The following AUTS2 variants were observed in gnomAD, a reference collection of about 807,000 sequenced individuals.
The protein encoded by AUTS2 is activator of transcription and developmental regulator AUTS2, also known as autism susceptibility gene 2 protein.
In AUTS2, 17 loss-of-function variants were observed where a neutral mutation model predicts 112.4. The ratio of observed to expected loss-of-function variants is 0.15; its 90% CI spans 0.10 to 0.23. AUTS2 has a LOEUF of 0.23. Ranked by LOEUF, AUTS2 falls within the 10% of genes least tolerant of loss-of-function variation. The pLI is 1.00. For synonymous variants in AUTS2, 751 were observed against 702.7 expected, an observed-to-expected ratio of 1.07 and a Z score of -1.09; for missense variants, 1,510 against 1,701.6, an observed-to-expected ratio of 0.89 and a Z score of 1.98.
chr7:69,735,291 T>A (rs1223750627), intron 1 of AUTS2, among the ~76,000 whole-genome samples: 1 of 152,182 alleles, frequency 6.6e-6, no homozygotes, highest in Non-Finnish European at 1.5e-5. Flanking sequence ...GTATCAGACC[T>A]GGTTATGAAA....
intron 5 of AUTS2, among the ~76,000 whole-genome samples, chr7:70,643,773 C>T (rs1805991303): frequency 6.6e-6 from 1 of 152,216 alleles, no homozygotes; most frequent in African/African-American, 2.4e-5. Flanking sequence ...CTTTCCCCAA[C>T]CCTGTCCAAA....
intron 5 of AUTS2, among the ~76,000 whole-genome samples, chr7:70,469,744 G>A (rs1052647608): frequency 1.8e-4 from 27 of 152,132 alleles, no homozygotes; most frequent in African/African-American, 6.0e-4. Flanking sequence ...GGGTTCAAGC[G>A]ATTCTCCTGC....
intron 2 of AUTS2, among the ~76,000 whole-genome samples, chr7:69,943,575 A>T (rs1796703929): frequency 6.6e-6 from 1 of 152,152 alleles, no homozygotes; most frequent in Non-Finnish European, 1.5e-5. Context: ...TTTCTATGTC[A>T]TCATTATCTC....
intron 5 of AUTS2, among the ~76,000 whole-genome samples, chr7:70,529,506 T>C (rs1799992059): frequency 6.6e-6 from 1 of 152,234 alleles, no homozygotes; most frequent in Non-Finnish European, 1.5e-5. Context: ...CTGCTCTTTC[T>C]ATGGCAAAGT....
intron 2 of AUTS2, among the ~76,000 whole-genome samples, chr7:70,093,022 T>G (rs1421554565): frequency 6.6e-6 from 1 of 152,022 alleles, no homozygotes; most frequent in Non-Finnish European, 1.5e-5. Flanking sequence ...TTTTACAGAG[T>G]CTTTGCTGCT....
At chr7:70,728,287 G>A (rs1787150221) in intron 6 of AUTS2, among the ~76,000 whole-genome samples, 1 of 152,174 alleles carries the variant, frequency 6.6e-6, no homozygotes, top group African/African-American at 2.4e-5. Context: ...GCCAAAGTTA[G>A]AAGAGAATCC....
chr7:70,676,549 A>G (rs1276357205), intron 5 of AUTS2, among the ~76,000 whole-genome samples: 1 of 152,022 alleles, frequency 6.6e-6, no homozygotes, highest in Non-Finnish European at 1.5e-5. Flanking sequence ...CTCTGTTGCT[A>G]ATGGTTTAAA....
At chr7:70,434,617 A>G (rs1399146601) in intron 4 of AUTS2, among the ~76,000 whole-genome samples, 1 of 152,142 alleles carries the variant, frequency 6.6e-6, no homozygotes, top group African/African-American at 2.4e-5. Context: ...AATGGCTGCC[A>G]AACCACTCTC....
chr7:70,670,547 G>T (rs1022848607), intron 5 of AUTS2, among the ~76,000 whole-genome samples: 2 of 152,174 alleles, frequency 1.3e-5, no homozygotes, highest in African/African-American at 4.8e-5. Flanking sequence ...GGTGGGCAAG[G>T]TTTCATAAAC....
At chr7:70,705,864 C>T (rs1472413332) in intron 6 of AUTS2, among the ~76,000 whole-genome samples, 2 of 152,178 alleles carry the variant, frequency 1.3e-5, no homozygotes, top group African/African-American at 4.8e-5. Context: ...GTCAATCCCT[C>T]GTGGGGTGCT....
chr7:70,731,852 G>A (rs922087475), intron 6 of AUTS2, among the ~76,000 whole-genome samples: 1 of 151,890 alleles, frequency 6.6e-6, no homozygotes, highest in Non-Finnish European at 1.5e-5. Flanking sequence ...ACCACTTGAA[G>A]GTAAGATATA....
At chr7:70,409,682 C>T (rs1184971441) in intron 4 of AUTS2, among the ~76,000 whole-genome samples, 1 of 152,158 alleles carries the variant, frequency 6.6e-6, no homozygotes, top group Admixed American at 6.5e-5. Context: ...CTGCCTTAGC[C>T]TTTCATTCTG....
In AUTS2 at chr7:69,974,394, CTT is replaced by C. The variant is rs1318791993; in HGVS notation, c.522+74897_522+74898del. 3.3e-5 allele frequency among the ~76,000 whole-genome samples: 5 copies of C among 150,466 alleles called. No homozygotes were observed. The South Asian group carries it at 8.5e-4, about 26-fold the overall frequency. ...TTTTGTGTTCCATTGATTTTTCTCT[CTT>C]GTTTTCCTGTTTTCAACTTATTTTT... On this transcript the variant is annotated intron_variant, in intron 2 of 18. Coordinates refer to ENST00000342771, the MANE Select transcript of AUTS2 (RefSeq NM_015570.4).
At chr7:69,925,785 G>T (rs1224826873) in intron 2 of AUTS2, among the ~76,000 whole-genome samples, 1 of 152,176 alleles carries the variant, frequency 6.6e-6, no homozygotes, top group African/African-American at 2.4e-5. Flanking sequence ...CTCCCAAAGT[G>T]TTGGGATAAC....
At chr7:69,730,443 C>G (rs1206129352) in intron 1 of AUTS2, among the ~76,000 whole-genome samples, 1 of 152,126 alleles carries the variant, frequency 6.6e-6, no homozygotes, top group African/African-American at 2.4e-5. Context: ...TAAAATCCAT[C>G]TGAGTTTCTG....
chr7:70,385,885 G>A (rs1793584779), intron 4 of AUTS2, among the ~76,000 whole-genome samples: 1 of 152,152 alleles, frequency 6.6e-6, no homozygotes, highest in South Asian at 2.1e-4. Flanking sequence ...CAGTGGCCCA[G>A]CTACCACTCC....
chr7:70,113,301 T>A (rs1161255555), intron 2 of AUTS2, among the ~76,000 whole-genome samples: 1 of 152,200 alleles, frequency 6.6e-6, no homozygotes, highest in Non-Finnish European at 1.5e-5. Flanking sequence ...TCATTAAGTT[T>A]TTTAGTTTGG....
At chr7:70,595,294 T>C (rs909686336) in intron 5 of AUTS2, among the ~76,000 whole-genome samples, 6 of 152,068 alleles carry the variant, frequency 3.9e-5, no homozygotes, top group Non-Finnish European at 5.9e-5. Context: ...GTGGCTGAAA[T>C]TCAGGAATTA....
At chr7:70,721,548 C>A (rs1050295142) in intron 6 of AUTS2, among the ~76,000 whole-genome samples, 3 of 152,160 alleles carry the variant, frequency 2.0e-5, no homozygotes, top group Admixed American at 1.3e-4. Flanking sequence ...GATCCACCCA[C>A]CTTCTTTTGT....
Sources: allele counts gnomAD v4.1 joint callset (sites outside exome capture counted in the v4.1 genomes callset), GRCh38; gene constraint gnomAD v4.1.1; transcripts MANE v1.5; gene names NCBI Gene and HGNC (gene_info 2026-07-23, HGNC 2026-07-21).